Variants in ANO2 observed in about 807,000 individuals in gnomAD.
The protein encoded by ANO2 is anoctamin-2.
In ANO2, 101 loss-of-function variants were observed where a neutral mutation model predicts 124.2. The ratio of observed to expected loss-of-function variants is 0.81; its 90% CI spans 0.69 to 0.96. The LOEUF is 0.96. Among genes scored for constraint, ANO2 ranks in the 40% least tolerant of loss-of-function variants. The probability of loss-of-function intolerance (pLI) is 0.00; values close to 1 mark genes in which losing one functional copy is unlikely to be tolerated. For synonymous variants in ANO2, 486 were observed against 482.5 expected, an observed-to-expected ratio of 1.01 and a Z score of -0.09; for missense variants, 1,293 against 1,274.5, an observed-to-expected ratio of 1.01 and a Z score of -0.22.
chr12:5,826,282 G>A (rs1953951043), intron 7 of ANO2, among the ~76,000 whole-genome samples: 1 of 151,912 alleles, frequency 6.6e-6, no homozygotes, highest in African/African-American at 2.4e-5. Context: ...AGATGTGTAT[G>A]GGTTCAAGTT....
chr12:5,716,059 T>A (rs535410321), intron 14 of ANO2, among the ~76,000 whole-genome samples: 1 of 152,228 alleles, frequency 6.6e-6, no homozygotes, highest in Admixed American at 6.5e-5. Flanking sequence ...TATTACAATT[T>A]ACATTAAAAA....
chr12:5,875,999 T>C (rs1938073070), intron 3 of ANO2, among the ~76,000 whole-genome samples: 1 of 152,004 alleles, frequency 6.6e-6, no homozygotes, highest in South Asian at 2.1e-4. Context: ...AGGGCAAAGA[T>C]GTGAGAGAAG....
chr12:5,943,641 C>T (rs559981413), intron 1 of ANO2, among the ~76,000 whole-genome samples: 91 of 152,214 alleles, frequency 6.0e-4, no homozygotes, highest in African/African-American at 2.0e-3. Context: ...AGCAAAACCC[C>T]GTACCCTAAA....
At chr12:5,587,064 T>C (rs1252909927) in intron 20 of ANO2, among the ~76,000 whole-genome samples, 2 of 152,186 alleles carry the variant, frequency 1.3e-5, no homozygotes, top group African/African-American at 4.8e-5. Flanking sequence ...AGAGTCCAAC[T>C]GACAGCCCGT....
At chr12:5,876,348 G>A (rs12367003) in intron 3 of ANO2, among the ~76,000 whole-genome samples, 31,895 of 152,208 alleles carry the variant, frequency 0.21, 4,138 homozygotes, top group Admixed American at 0.3. Flanking sequence ...TCCAACAGAT[G>A]TGGAGAAATA....
In ANO2 at chr12:5,787,313, A is replaced by C. The variant is rs1053303018; in HGVS notation, c.1055+12194T>G. On this transcript the variant is annotated intron_variant, in intron 10 of 24. Transcript: ENST00000682330. This position sits in a 1 kb window ranked among gnomAD's most constrained non-coding sequence, Gnocchi z 4.2. Reference sequence around the variant, plus strand: ...CATAAGCCAAACCTTTCAATGATGTACCCTTTCCTTAGGGTACGGTCCAAA... The same window carrying C: ...CATAAGCCAAACCTTTCAATGATGTCCCCTTTCCTTAGGGTACGGTCCAAA... 6.6e-6 allele frequency among the ~76,000 whole-genome samples: 1 copy of C among 152,098 alleles called. No homozygotes were observed. Among genetic ancestry groups the C allele is most frequent in the Non-Finnish European group, 1.5e-5 (1 of 68,024 alleles).
chr12:5,665,629 G>A (rs1479749457), intron 14 of ANO2, among the ~76,000 whole-genome samples: 1 of 152,108 alleles, frequency 6.6e-6, no homozygotes, highest in African/African-American at 2.4e-5. Flanking sequence ...TGGTGACACA[G>A]TAGTGCCTTC....
chr12:5,672,957 C>T (rs993754875), intron 14 of ANO2, among the ~76,000 whole-genome samples: 20 of 152,114 alleles, frequency 1.3e-4, no homozygotes, highest in African/African-American at 4.8e-4. Flanking sequence ...TGTATTCCTA[C>T]GGTTCAACAA....
At chr12:5,599,729 G>C in intron 19 of ANO2, 100 bp from the exon 20 acceptor site, 1 of 1,311,726 alleles carries the variant, frequency 7.6e-7, no homozygotes, top group Non-Finnish European at 1.1e-6. Flanking sequence ...TGACACTAAA[G>C]CCATCTCTGA....
intron 10 of ANO2, among the ~76,000 whole-genome samples, chr12:5,762,908 C>T (rs1951780942): frequency 6.6e-6 from 1 of 151,806 alleles, no homozygotes; most frequent in Non-Finnish European, 1.5e-5. Flanking sequence ...TTCATATTGT[C>T]TTTTATTAGG....
intron 1 of ANO2, among the ~76,000 whole-genome samples, chr12:5,939,856 G>C (rs1472608275): frequency 2.0e-5 from 3 of 152,196 alleles, no homozygotes; most frequent in Non-Finnish European, 2.9e-5. Flanking sequence ...GGAAGAAGAG[G>C]AGAACATGGA....
At chr12:5,750,616 A>G (rs1257988585) in intron 11 of ANO2, among the ~76,000 whole-genome samples, 1 of 152,236 alleles carries the variant, frequency 6.6e-6, no homozygotes, top group African/African-American at 2.4e-5. Flanking sequence ...GAGCTTGACT[A>G]GAAGAGGAAG....
intron 20 of ANO2, among the ~76,000 whole-genome samples, chr12:5,589,018 C>T (rs146786914): frequency 1.6e-4 from 24 of 152,290 alleles, no homozygotes; most frequent in East Asian, 1.9e-4. Flanking sequence ...TCTAAAGATA[C>T]AAGAGGCAGC....
Position 5,732,557 on chromosome 12 carries a change from T to C in ANO2, c.1508A>G (p.Gln503Arg), listed in dbSNP as rs1950685380. 1 of 1,613,962 alleles carries C rather than the reference T, an allele frequency of 6.2e-7. No individual in the cohort carries two copies. Among genetic ancestry groups the C allele is most frequent in the Non-Finnish European group, 8.5e-7 (1 of 1,179,872 alleles). Residue 503 changes from glutamine (Q) to arginine (R), a missense_variant, in exon 14 of 25, where the codon CAG becomes CGG. By Grantham distance (43) the Gln-to-Arg change is conservative. Transcript: ENST00000682330. ...CTCCGTCGTGTTTGTTTCCAATTTC[T>C]GGACAGCAGACTGGTTGCTCTCCTT... ...MLKESNQSAV[Q>R]KLETNTTECG...
rs779901373 is a variant in ANO2 at position 5,827,760 on chromosome 12, G to A, written c.892+9C>T. The A allele has an allele frequency of 2.5e-5, 41 of 1,609,048 alleles. No homozygotes were observed. The highest frequency in any genetic ancestry group is 3.4e-5 in the Non-Finnish European group (40 of 1,178,098). On this transcript the variant is annotated intron_variant, in intron 7 of 24. Transcript: ENST00000682330. ...CGTCAGCACCCTGCCCGCGGGCTGG[G>A]GTCCTTACCCATCGTGTTGTTGGCT...
At position 5,603,944 on chromosome 12, in the gene ANO2, C is replaced by CAAAAA. The variant is rs63415160; in HGVS notation, c.2088-4320_2088-4316dup. Among the ~76,000 whole-genome samples the CAAAAA allele has an allele frequency of 1.4e-3, 104 of 73,830 alleles. 1 individual carries two copies. Among genetic ancestry groups the CAAAAA allele is most frequent in the Admixed American group, 2.8e-3 (16 of 5,726 alleles). The allele number at this position is 73,830 out of a possible 152,430, so 48.4% of individuals were successfully genotyped here. On this transcript the variant is annotated intron_variant, in intron 19 of 24. Coordinates refer to ENST00000682330, the MANE Select transcript of ANO2 (RefSeq NM_001364791.2). Reference sequence around the variant, plus strand: ...TGGGTGAAAGAGCGAGATTCCGTCTCAAAAAAAAAAAAAAAAAAAAAGAAA... The same window carrying CAAAAA: ...TGGGTGAAAGAGCGAGATTCCGTCTCAAAAAAAAAAAAAAAAAAAAAAAAAAGAAA...
chr12:5,877,338 G>A (rs756065534), intron 3 of ANO2, among the ~76,000 whole-genome samples: 1 of 152,172 alleles, frequency 6.6e-6, no homozygotes, highest in South Asian at 2.1e-4. Context: ...CTCCCTCAGA[G>A]CCTCCAGGAG....
chr12:5,857,691 G>C (rs1955141453), intron 3 of ANO2, among the ~76,000 whole-genome samples: 1 of 151,996 alleles, frequency 6.6e-6, no homozygotes, highest in Admixed American at 6.6e-5. Flanking sequence ...TGTTTATTTA[G>C]ATCCTTTGCC....
intron 7 of ANO2, among the ~76,000 whole-genome samples, chr12:5,813,756 T>C (rs1953509569): frequency 6.6e-6 from 1 of 152,094 alleles, no homozygotes; most frequent in Non-Finnish European, 1.5e-5. Flanking sequence ...GGAAAGCCAG[T>C]TCCCTCCCTG....
Sources: gnomAD v4.1 joint callset for allele counts (sites outside exome capture counted in the v4.1 genomes callset) on GRCh38, gnomAD v4.1.1 for gene constraint, Gnocchi (gnomAD v3.1) non-coding constraint, MANE v1.5 for transcripts, NCBI Gene and HGNC (gene_info 2026-07-23, HGNC 2026-07-21) for gene names.